SCAP: variants seen among roughly 807,000 people sequenced by gnomAD.
SCAP encodes sterol regulatory element-binding protein cleavage-activating protein.
SCAP carries 65 observed loss-of-function variants against 123.6 expected under a neutral mutation model. That is an observed-to-expected ratio of 0.53 (90% CI 0.43 to 0.65). The LOEUF is 0.65. Among genes scored for constraint, SCAP ranks in the 30% least tolerant of loss-of-function variants. The pLI is 0.00. For synonymous variants in SCAP, 740 were observed against 726.3 expected (o/e 1.02, Z -0.30); for missense variants, 1,398 against 1,712.5 (o/e 0.82, Z 3.24).
chr3:47,468,650 T>G (rs1559572771), intron 1 of SCAP, among the ~76,000 whole-genome samples: 1 of 152,214 alleles, frequency 6.6e-6, no homozygotes, highest in Non-Finnish European at 1.5e-5. Flanking sequence ...TTGTAAAAAT[T>G]TTCTCCCACT....
intron 3 of SCAP, 154 bp from the exon 4 acceptor site, chr3:47,428,824 A>C: frequency 1.4e-6 from 1 of 725,440 alleles, no homozygotes; most frequent in Non-Finnish European, 2.2e-6. Flanking sequence ...GCAGGATGGC[A>C]GATAAGAAAA....
intron 1 of SCAP, among the ~76,000 whole-genome samples, chr3:47,448,020 A>C (rs1020158159): frequency 6.6e-6 from 1 of 151,380 alleles, no homozygotes; most frequent in African/African-American, 2.4e-5. Flanking sequence ...AAAAAAAAAA[A>C]AAAAAAAAAA....
intron 1 of SCAP, among the ~76,000 whole-genome samples, chr3:47,465,806 C>T (rs972936133): frequency 8.2e-5 from 12 of 146,088 alleles, no homozygotes; most frequent in Non-Finnish European, 1.2e-4. Context: ...AATCCATGAA[C>T]GTGGGATTTC....
At position 47,413,686 on chromosome 3, in the gene SCAP, C is replaced by T. The variant is rs1705411711; in HGVS notation, c.*168G>A. ...ACAATTCCAAGAGACACAAGTAGCT[C>T]CCAAAGTGCCTGACAGATGATGATA... is the stretch of plus-strand genomic sequence containing the variant. On this transcript the variant is annotated 3_prime_UTR_variant, in exon 23 of 23. Coordinates refer to ENST00000265565, the MANE Select transcript of SCAP (RefSeq NM_012235.4). The T allele has an allele frequency of 1.1e-6, 1 of 932,284 alleles. No individual in the cohort carries two copies. The highest frequency in any genetic ancestry group is 1.6e-6 in the Non-Finnish European group (1 of 618,618). The allele number at this position is 932,284 out of a possible 1,614,324, so 57.8% of individuals were successfully genotyped here. A position where few individuals can be genotyped will look rare whatever the true frequency, so the allele number is the denominator to read the frequency against.
intron 1 of SCAP, among the ~76,000 whole-genome samples, chr3:47,459,458 C>G (rs1707547165): frequency 6.6e-6 from 1 of 152,148 alleles, no homozygotes; most frequent in African/African-American, 2.4e-5. Flanking sequence ...TAGGTTCTTT[C>G]TATTTTCCGT....
chr3:47,460,507 G>GGGGGAA (rs1226094964), intron 1 of SCAP, among the ~76,000 whole-genome samples: 1 of 152,110 alleles, frequency 6.6e-6, no homozygotes, highest in Non-Finnish European at 1.5e-5. Context: ...CTCCGTTCGG[G>GGGGGAA]GTCCCTGACT....
intron 1 of SCAP, among the ~76,000 whole-genome samples, chr3:47,472,419 C>T (rs1166380929): frequency 3.4e-5 from 5 of 145,534 alleles, no homozygotes; most frequent in African/African-American, 5.1e-5. Context: ...CCGGCCTGGG[C>T]GACAGAGCGA....
intron 1 of SCAP, among the ~76,000 whole-genome samples, chr3:47,472,022 C>A (rs1708039916): frequency 1.3e-5 from 2 of 151,886 alleles, no homozygotes; most frequent in African/African-American, 2.4e-5. Flanking sequence ...CAGCTGTAAT[C>A]CCAGCTACTC....
At position 47,442,869 on chromosome 3, in the gene SCAP, T is replaced by C. The variant is rs1209297579; in HGVS notation, c.122+3A>G. The C allele has an allele frequency of 6.2e-7, 1 of 1,613,816 alleles. No individual in the cohort carries two copies. Among genetic ancestry groups the C allele is most frequent in the Non-Finnish European group, 8.5e-7 (1 of 1,179,922 alleles). On this transcript the variant is annotated splice_donor_region_variant and intron_variant, in intron 2 of 22. Coordinates refer to ENST00000265565, the MANE Select transcript of SCAP (RefSeq NM_012235.4). ...CCATATCCAAGGCAACCCAAAAACA[T>C]ACCAGCAGGCTAAGATGCAGAACCC...
intron 1 of SCAP, among the ~76,000 whole-genome samples, chr3:47,445,451 T>C (rs1443459451): frequency 2.6e-5 from 4 of 152,064 alleles, no homozygotes; most frequent in Non-Finnish European, 5.9e-5. Context: ...TTTCATCATG[T>C]TGGCCAGGCT....
In SCAP at chr3:47,415,180, C is replaced by G. The variant is rs1188410438; in HGVS notation, c.3057G>C (p.Arg1019Ser). 1 of 1,607,906 alleles carries G rather than the reference C, an allele frequency of 6.2e-7. No individual in the cohort carries two copies. Among genetic ancestry groups the G allele is most frequent in the Non-Finnish European group, 8.5e-7 (1 of 1,178,114 alleles). ...GITALVFLDK[R>S]IVAARLNGSL... Reference sequence around the variant, plus strand: ...AACCGTTGAGCCGTGCAGCCACAATCCTGGAAGAGAAGAACAGCTGCCAGG... The same window carrying G: ...AACCGTTGAGCCGTGCAGCCACAATGCTGGAAGAGAAGAACAGCTGCCAGG... Residue 1019 changes from arginine (R) to serine (S), a missense_variant and splice_region_variant, in exon 19 of 23, where the codon AGG (arginine) becomes AGC (serine). By Grantham distance (110) the Arg-to-Ser change is moderately radical. This residue lies in a region of SCAP where 828 missense variants were observed against 882.5 expected (regional missense o/e 0.94). Transcript: ENST00000265565.
chr3:47,446,162 T>C (rs1006722985), intron 1 of SCAP, among the ~76,000 whole-genome samples: 1 of 149,860 alleles, frequency 6.7e-6, no homozygotes, highest in Non-Finnish European at 1.5e-5. Context: ...GCATGGCCAC[T>C]GCACCTGGCC....
At position 47,455,062 on chromosome 3, in the gene SCAP, C is replaced by CATAT. The variant is rs58460988; in HGVS notation, c.-98-11975_-98-11972dup. ...TCCAAATATATATACAAAAAAATTA[C>CATAT]ATATATATATATATATATATATATA... On this transcript the variant is annotated intron_variant, in intron 1 of 22. Transcript: ENST00000265565. Among the ~76,000 whole-genome samples, 909 of 127,850 alleles carry CATAT rather than the reference C, an allele frequency of 7.1e-3. 10 individuals are homozygous for CATAT. The highest frequency in any genetic ancestry group is 0.023 in the Admixed American group (294 of 12,826). The allele number at this position is 127,850 out of a possible 152,430, so 83.9% of individuals were successfully genotyped here.
rs574484847 is a variant in SCAP, at chr3:47,427,745, T to C, written c.411-78A>G. On this transcript the variant is annotated intron_variant, in intron 4 of 22. Transcript: ENST00000265565. ...CCTGCTGTACTTAGGGGACATCCTC[T>C]GTCTGTTCTTCAATGCCCCATATTT... 131 of 1,272,084 alleles carry C rather than the reference T, an allele frequency of 1.0e-4. No homozygotes were observed. The African/African-American group carries it at 1.7e-3, about 17-fold the overall frequency. 78.8% of individuals were successfully genotyped at this position (1,272,084 alleles called of 1,614,324 possible). A position where few individuals can be genotyped will look rare whatever the true frequency, so the allele number is the denominator to read the frequency against.
Position 47,451,721 on chromosome 3 carries a change from C to T in SCAP, c.-98-8630G>A, listed in dbSNP as rs1335482979. Among the ~76,000 whole-genome samples, 5 of 123,306 alleles carry T rather than the reference C, an allele frequency of 4.1e-5. 1 individual carries two copies. Among genetic ancestry groups the T allele is most frequent in the African/African-American group, 1.4e-4 (5 of 35,938 alleles). The allele number at this position is 123,306 out of a possible 152,430, so 80.9% of individuals were successfully genotyped here. On this transcript the variant is annotated intron_variant, in intron 1 of 22. Coordinates refer to ENST00000265565, the MANE Select transcript of SCAP (RefSeq NM_012235.4). ...CTGGCCCTCATAGACCCCTTCCTAC[C>T]TATCCCTTTACAATTCACTTTATCT...
At chr3:47,470,193 C>A (rs1041182136) in intron 1 of SCAP, among the ~76,000 whole-genome samples, 1 of 152,152 alleles carries the variant, frequency 6.6e-6, no homozygotes, top group Non-Finnish European at 1.5e-5. Flanking sequence ...GTTTTTTACC[C>A]CATTACCAGT....
At position 47,418,774 on chromosome 3, in the gene SCAP, C is replaced by A; in HGVS notation, c.2010G>T (p.Arg670=). 1 of 1,571,740 alleles carries A rather than the reference C, an allele frequency of 6.4e-7. No homozygotes were observed. The change falls in exon 14 of 23, where the codon CGG becomes CGT. Residue 670 remains arginine, a synonymous_variant. Coordinates refer to ENST00000265565, the MANE Select transcript of SCAP (RefSeq NM_012235.4). ...AGGCACTGCGGCCGTCCTGAGGGTG[C>A]CGGCCCTCCAGAGCCTCCCTCGGGT... ...RLNPREALEG[R]HPQDGRSAWP...
intron 1 of SCAP, among the ~76,000 whole-genome samples, chr3:47,443,984 G>C (rs1181724879): frequency 6.6e-6 from 1 of 152,188 alleles, no homozygotes; most frequent in Non-Finnish European, 1.5e-5. Context: ...TCCCCAGGCT[G>C]TTCTGGCTCC....
chr3:47,417,319 G>C lies in SCAP; in HGVS notation c.2955C>G (p.Ser985Arg). The C allele has an allele frequency of 6.2e-7, 1 of 1,612,024 alleles. No individual in the cohort carries two copies. The highest frequency in any genetic ancestry group is 1.1e-5 in the South Asian group (1 of 91,024). ...LQGNLIVVGR[S>R]SGRLEVWDAI... Reference sequence around the variant, plus strand: ...CTCTGCCCACCTCCAGCCGGCCGCTGCTCCGCCCCACCACGATGAGGTTGC... The same window carrying C: ...CTCTGCCCACCTCCAGCCGGCCGCTCCTCCGCCCCACCACGATGAGGTTGC... Residue 985 changes from serine (S) to arginine (R), a missense_variant, in exon 17 of 23, where the codon AGC becomes AGG. By Grantham distance (110) the Ser-to-Arg change is moderately radical (BLOSUM62 -1). Coordinates refer to ENST00000265565, the MANE Select transcript of SCAP (RefSeq NM_012235.4).
Sources: allele counts gnomAD v4.1 joint callset (sites outside exome capture counted in the v4.1 genomes callset), GRCh38; gene constraint gnomAD v4.1.1; regional missense constraint gnomAD v4.1.1; transcripts MANE v1.5; gene names NCBI Gene and HGNC (gene_info 2026-07-23, HGNC 2026-07-21).